Variants in CWC27 observed in about 807,000 individuals in gnomAD.
CWC27 encodes the protein spliceosome-associated protein CWC27 homolog.
Under a neutral mutation model 63.6 loss-of-function variants are expected in CWC27, and 47 were observed. The ratio of observed to expected loss-of-function variants is 0.74; its 90% CI spans 0.58 to 0.94. The LOEUF is 0.94. CWC27 is among the 40% of genes least tolerant of loss of function. CWC27 has a pLI of 0.00. For missense variants in CWC27, 495 were observed against 554.3 expected (o/e 0.89, Z 1.07); for synonymous variants, 175 against 179.8 (o/e 0.97, Z 0.22).
intron 11 of CWC27, among the ~76,000 whole-genome samples, chr5:64,905,320 A>G (rs1476860489): frequency 1.3e-5 from 2 of 151,304 alleles, no homozygotes; most frequent in Non-Finnish European, 2.9e-5. Flanking sequence ...GGAACATGTT[A>G]CTTACCATTA....
At chr5:64,921,016 T>C (rs1356512846) in intron 11 of CWC27, among the ~76,000 whole-genome samples, 2 of 152,168 alleles carry the variant, frequency 1.3e-5, no homozygotes, top group Non-Finnish European at 2.9e-5. Flanking sequence ...TGCTCTTGTT[T>C]CTCTAGGTAC....
chr5:64,955,192 AAAT>A (rs1018739668), intron 11 of CWC27, among the ~76,000 whole-genome samples: 18 of 152,142 alleles, frequency 1.2e-4, no homozygotes, highest in African/African-American at 4.1e-4. Context: ...ATTCACTGCC[AAAT>A]AATAATAATA....
intron 10 of CWC27, among the ~76,000 whole-genome samples, chr5:64,829,820 T>C (rs937479260): frequency 6.6e-6 from 1 of 151,456 alleles, no homozygotes; most frequent in Admixed American, 6.6e-5. Context: ...CAGGCCCCAT[T>C]GTGTGATGTT....
chr5:64,842,542 T>C (rs1001662021), intron 10 of CWC27, among the ~76,000 whole-genome samples: 6 of 152,002 alleles, frequency 3.9e-5, no homozygotes, highest in African/African-American at 1.5e-4. Context: ...GACCTCGTGA[T>C]CCACTCTCCT....
At chr5:65,003,746 G>A (rs1026979528) in intron 13 of CWC27, among the ~76,000 whole-genome samples, 3 of 151,932 alleles carry the variant, frequency 2.0e-5, no homozygotes, top group Non-Finnish European at 4.4e-5. Context: ...TGCCTGTAAC[G>A]TTGCTGCTGA....
intron 7 of CWC27, among the ~76,000 whole-genome samples, chr5:64,796,031 GTGTGTGTGTGTATTAATAAGC>G (rs1744254436): frequency 6.7e-6 from 1 of 149,274 alleles, no homozygotes; most frequent in Non-Finnish European, 1.5e-5. Flanking sequence ...GTGTGTGTGT[GTGTGTGTGTGTATTAATAAGC>G]TCATTTGAGG....
intron 10 of CWC27, among the ~76,000 whole-genome samples, chr5:64,859,525 A>G (rs932198481): frequency 1.3e-4 from 20 of 152,208 alleles, no homozygotes; most frequent in African/African-American, 4.3e-4. Context: ...TTCTAAATTC[A>G]ATCTGTAAGG....
At chr5:64,865,323 C>T (rs989134236) in intron 10 of CWC27, among the ~76,000 whole-genome samples, 1 of 152,000 alleles carries the variant, frequency 6.6e-6, no homozygotes, top group Non-Finnish European at 1.5e-5. Context: ...TGGCCCACTT[C>T]TCAGTCTTTT....
At chr5:64,938,792 C>G (rs1748413788) in intron 11 of CWC27, among the ~76,000 whole-genome samples, 1 of 152,168 alleles carries the variant, frequency 6.6e-6, no homozygotes, top group Admixed American at 6.5e-5. Flanking sequence ...TTCTTGGAGG[C>G]TTTGTTCGTT....
intron 13 of CWC27, among the ~76,000 whole-genome samples, chr5:64,998,668 A>C (rs1749679888): frequency 6.6e-6 from 1 of 151,980 alleles, no homozygotes; most frequent in Non-Finnish European, 1.5e-5. Context: ...GAAACAGGAG[A>C]TTTTTCCATG....
chr5:64,874,377 G>A (rs1169908511), intron 10 of CWC27, among the ~76,000 whole-genome samples: 1 of 151,460 alleles, frequency 6.6e-6, no homozygotes, highest in Non-Finnish European at 1.5e-5. Context: ...GGACAGGCTG[G>A]TCTCGAACTC....
At position 64,887,624 on chromosome 5, in the gene CWC27, G is replaced by A. The variant is rs114972336; in HGVS notation, c.1042+2078G>A. On this transcript the variant is annotated intron_variant, in intron 11 of 13. Coordinates refer to ENST00000381070, the MANE Select transcript of CWC27 (RefSeq NM_005869.4). ...CTCAGGTGATCTGCCTGCCTCAGCAGTGTCAGAATGTTCTGACACACATTC... is the reference window on the plus strand; with the variant it reads ...CTCAGGTGATCTGCCTGCCTCAGCAATGTCAGAATGTTCTGACACACATTC... Among the ~76,000 whole-genome samples the A allele has an allele frequency of 6.2e-4, 95 of 152,150 alleles. 1 individual carries two copies. The highest frequency in any genetic ancestry group is 2.2e-3 in the African/African-American group (91 of 41,530).
At chr5:64,843,235 A>G (rs1353803141) in intron 10 of CWC27, among the ~76,000 whole-genome samples, 3 of 152,110 alleles carry the variant, frequency 2.0e-5, no homozygotes, top group Admixed American at 6.5e-5. Flanking sequence ...AGATTTTAAT[A>G]CCTCTACTGT....
At chr5:64,940,950 G>A (rs986836925) in intron 11 of CWC27, among the ~76,000 whole-genome samples, 7 of 147,114 alleles carry the variant, frequency 4.8e-5, no homozygotes, top group East Asian at 2.0e-4. Context: ...GAGTTCAAGC[G>A]ATTCTCCTGC....
At chr5:64,796,745 CT>C (rs1744280485) in intron 7 of CWC27, among the ~76,000 whole-genome samples, 1 of 87,012 alleles carries the variant, frequency 1.1e-5, no homozygotes, top group African/African-American at 4.0e-5. Flanking sequence ...TCCCTTCCTC[CT>C]CCCTCCCTCC....
chr5:64,783,775 A>G, intron 3 of CWC27, 61 bp from the exon 4 acceptor site: 1 of 1,380,324 alleles, frequency 7.2e-7, no homozygotes, highest in East Asian at 2.7e-5. Flanking sequence ...GGTCAAGTTG[A>G]ATAACTGCAT....
intron 11 of CWC27, among the ~76,000 whole-genome samples, chr5:64,891,560 A>G (rs1423866298): frequency 6.6e-6 from 1 of 152,208 alleles, no homozygotes; most frequent in African/African-American, 2.4e-5. Flanking sequence ...TTAAGAGTCC[A>G]TAAAGTACTT....
At chr5:64,781,056 A>G (rs2112158909) in intron 2 of CWC27, among the ~76,000 whole-genome samples, 1 of 152,256 alleles carries the variant, frequency 6.6e-6, no homozygotes, top group Non-Finnish European at 1.5e-5. Context: ...CTGAGATGCC[A>G]TGCTTCTGCC....
At chr5:64,826,704 T>TTG (rs1745371479) in intron 10 of CWC27, among the ~76,000 whole-genome samples, 2 of 127,586 alleles carry the variant, frequency 1.6e-5, no homozygotes, top group Middle Eastern at 3.5e-3. Context: ...TGTTTTTTTG[T>TTG]TTTTTTTTTT....
Sources: gnomAD v4.1 joint callset for allele counts (sites outside exome capture counted in the v4.1 genomes callset) on GRCh38, gnomAD v4.1.1 for gene constraint, MANE v1.5 for transcripts, NCBI Gene and HGNC (gene_info 2026-07-23, HGNC 2026-07-21) for gene names.